Variants in GLI3 observed in about 807,000 individuals in gnomAD.
GLI3 encodes transcription activator GLI3.
GLI3 carries 20 observed loss-of-function variants against 100.8 expected under a neutral mutation model. The ratio of observed to expected loss-of-function variants is 0.20; its 90% CI spans 0.14 to 0.29. GLI3 has a LOEUF of 0.29. Among genes scored for constraint, GLI3 ranks in the 10% least tolerant of loss-of-function variants. The pLI is 1.00. For synonymous variants in GLI3, 938 were observed against 860.5 expected, an observed-to-expected ratio of 1.09 and a Z score of -1.58; for missense variants, 2,040 against 2,128.5, an observed-to-expected ratio of 0.96 and a Z score of 0.82.
intron 2 of GLI3, among the ~76,000 whole-genome samples, chr7:42,216,756 G>A (rs1474942317): frequency 3.3e-5 from 5 of 152,114 alleles, no homozygotes; most frequent in Non-Finnish European, 7.4e-5. Context: ...AAGAGACTGG[G>A]GACATATTCA....
chr7:42,186,224 C>T (rs1787713676), intron 2 of GLI3, among the ~76,000 whole-genome samples: 1 of 152,182 alleles, frequency 6.6e-6, no homozygotes, highest in Non-Finnish European at 1.5e-5. Context: ...CTCCTTCCAG[C>T]TCCCCAGAGC....
intron 2 of GLI3, among the ~76,000 whole-genome samples, chr7:42,149,695 A>G (rs1374952218): frequency 6.6e-6 from 1 of 152,252 alleles, no homozygotes; most frequent in Non-Finnish European, 1.5e-5. Flanking sequence ...GGTATAAATA[A>G]TAATATTGTT....
intron 10 of GLI3, among the ~76,000 whole-genome samples, chr7:42,016,556 T>C (rs895159943): frequency 3.3e-5 from 5 of 152,200 alleles, no homozygotes; most frequent in African/African-American, 7.2e-5. Flanking sequence ...TAAAAGTCAC[T>C]ATTTTCCTTG....
At chr7:42,172,425 A>G in intron 2 of GLI3, 1 of 613,638 alleles carries the variant, frequency 1.6e-6, no homozygotes, top group Middle Eastern at 2.5e-4. Flanking sequence ...ATCAAAAAGC[A>G]GAATTAGATA....
intron 3 of GLI3, among the ~76,000 whole-genome samples, chr7:42,144,263 C>T (rs977572956): frequency 6.6e-5 from 10 of 152,218 alleles, no homozygotes; most frequent in Non-Finnish European, 1.5e-4. Context: ...GAGGATGGGG[C>T]TTCTTACCCT....
intron 1 of GLI3, among the ~76,000 whole-genome samples, chr7:42,247,312 C>T (rs909195301): frequency 5.9e-5 from 9 of 152,150 alleles, no homozygotes. Flanking sequence ...TTCCAGCCCC[C>T]AGTTGTATGG....
chr7:42,160,174 G>T (rs1315811035), intron 2 of GLI3, among the ~76,000 whole-genome samples: 1 of 152,128 alleles, frequency 6.6e-6, no homozygotes. Context: ...ATAAACTGTG[G>T]CATTTATGAA....
At chr7:42,048,141 T>C (rs1227797261) in intron 5 of GLI3, among the ~76,000 whole-genome samples, 3 of 152,126 alleles carry the variant, frequency 2.0e-5, no homozygotes, top group Non-Finnish European at 4.4e-5. Flanking sequence ...ACAGGACCAG[T>C]CTAATCATAT....
At position 41,977,984 on chromosome 7, in the gene GLI3, A is replaced by G. The variant is rs566582238; in HGVS notation, c.1648-262T>C. ...CCGCTCAATGTGGACAATGGGTTTC[A>G]TTATCTGCTCATTGATCTCCTCAAA... On this transcript the variant is annotated intron_variant, in intron 11 of 14. Transcript: ENST00000395925. 10 of 523,212 alleles carry G rather than the reference A, an allele frequency of 1.9e-5. No individual in the cohort carries two copies. In the Admixed American group the frequency reaches 2.8e-4, roughly 15 times the overall value. 32.4% of individuals were successfully genotyped at this position (523,212 alleles called of 1,614,324 possible). A position where few individuals can be genotyped will look rare whatever the true frequency, so the allele number is the denominator to read the frequency against.
intron 9 of GLI3, 117 bp downstream of exon 9, chr7:42,025,147 A>G (rs566141427): frequency 1.4e-6 from 1 of 716,826 alleles, no homozygotes. Flanking sequence ...TCAACAATGC[A>G]GTGGACAAGG....
intron 6 of GLI3, among the ~76,000 whole-genome samples, chr7:42,041,345 C>T (rs1356955311): frequency 6.6e-6 from 1 of 152,140 alleles, no homozygotes; most frequent in East Asian, 1.9e-4. Context: ...AATTAAATGC[C>T]AATTTGCATT....
chr7:42,089,246 C>T (rs1366200212), intron 3 of GLI3, among the ~76,000 whole-genome samples: 8 of 152,214 alleles, frequency 5.3e-5, no homozygotes, highest in Non-Finnish European at 7.3e-5. Context: ...CCCCAATCTG[C>T]ACTTCCTCAA....
At chr7:42,132,894 T>C (rs937047491) in intron 3 of GLI3, among the ~76,000 whole-genome samples, 2 of 151,814 alleles carry the variant, frequency 1.3e-5, no homozygotes, top group Non-Finnish European at 2.9e-5. Context: ...CCCTAAAAGG[T>C]ATTTAAACAT....
chr7:42,073,844 A>G (rs1784829563), intron 4 of GLI3, among the ~76,000 whole-genome samples: 2 of 152,210 alleles, frequency 1.3e-5, no homozygotes, highest in African/African-American at 2.4e-5. Flanking sequence ...TCTTCACTTG[A>G]TCTCATTTTC....
At chr7:42,242,378 T>G (rs1396365223), upstream of GLI3, among the ~76,000 whole-genome samples, 1 of 152,200 alleles carries the variant, frequency 6.6e-6, no homozygotes, top group Non-Finnish European at 1.5e-5. Flanking sequence ...TTGCTACCTT[T>G]GCCCTAAACA....
chr7:42,172,658 G>A, intron 2 of GLI3: 1 of 702,698 alleles, frequency 1.4e-6, no homozygotes. Flanking sequence ...TCCTGGTCCA[G>A]CCTCTGGCCT....
chr7:41,977,322 G>A (rs1253506934), intron 12 of GLI3, among the ~76,000 whole-genome samples: 1 of 152,166 alleles, frequency 6.6e-6, no homozygotes, highest in Non-Finnish European at 1.5e-5. Flanking sequence ...CATGAAACTA[G>A]TAAGTTCGCA....
chr7:42,178,718 T>C (rs1352389747), intron 2 of GLI3, among the ~76,000 whole-genome samples: 2 of 152,144 alleles, frequency 1.3e-5, no homozygotes, highest in Non-Finnish European at 2.9e-5. Flanking sequence ...GATTAGAGTT[T>C]ACCAGGAGGA....
In GLI3 at chr7:41,977,879, A is replaced by T. The variant is rs1204167201; in HGVS notation, c.1648-157T>A. On this transcript the variant is annotated intron_variant, in intron 11 of 14. Transcript: ENST00000395925. ...TCCACTAAACTCTGCATTTATTGGG[A>T]TTCAGATGTAGCTTGGTGTAGTTCC... 8 of 708,820 alleles carry T rather than the reference A, an allele frequency of 1.1e-5. No homozygotes were observed. The African/African-American group carries it at 1.4e-4, about 12-fold the overall frequency. The allele number at this position is 708,820 out of a possible 1,614,324, so 43.9% of individuals were successfully genotyped here.
Sources: gnomAD v4.1 joint callset for allele counts (sites outside exome capture counted in the v4.1 genomes callset) on GRCh38, gnomAD v4.1.1 for gene constraint, MANE v1.5 for transcripts, NCBI Gene and HGNC (gene_info 2026-07-23, HGNC 2026-07-21) for gene names.